ANAPC5: variants seen among roughly 807,000 people sequenced by gnomAD.
The protein encoded by ANAPC5 is anaphase-promoting complex subunit 5.
A neutral mutation model predicts 91.3 loss-of-function variants in ANAPC5; 60 were observed. The ratio of observed to expected loss-of-function variants is 0.66; its 90% CI spans 0.53 to 0.81. The LOEUF is 0.81. ANAPC5 is among the 40% of genes least tolerant of loss of function. The probability of loss-of-function intolerance (pLI) is 0.00; values close to 1 mark genes in which losing one functional copy is unlikely to be tolerated. For missense variants in ANAPC5, 690 were observed against 931.5 expected (o/e 0.74, Z 3.37); for synonymous variants, 340 against 364.1 (o/e 0.93, Z 0.75).
intron 15 of ANAPC5, among the ~76,000 whole-genome samples, chr12:121,312,437 C>A (rs952333507): frequency 6.6e-6 from 1 of 151,452 alleles, no homozygotes; most frequent in African/African-American, 2.4e-5. Flanking sequence ...CCAGGCACAG[C>A]GGCTCACACC....
chr12:121,316,500 G>A (rs567042183), intron 15 of ANAPC5, among the ~76,000 whole-genome samples: 5 of 152,170 alleles, frequency 3.3e-5, no homozygotes, highest in East Asian at 1.9e-4. Flanking sequence ...TTGGGAGGCC[G>A]AGGTGGGCGG....
intron 11 of ANAPC5, among the ~76,000 whole-genome samples, chr12:121,322,993 C>A (rs186824552): frequency 1.6e-4 from 25 of 152,248 alleles, no homozygotes; most frequent in African/African-American, 5.8e-4. Flanking sequence ...CCACTGCACT[C>A]CAGCCTTGGC....
rs782198399 is a variant in ANAPC5 at position 121,342,080 on chromosome 12, T to TA, written c.591-12dup. 49 of 1,577,734 alleles carry TA rather than the reference T, an allele frequency of 3.1e-5. No homozygotes were observed. The highest frequency in any genetic ancestry group is 1.0e-4 in the South Asian group (9 of 86,122). On this transcript the variant is annotated splice_polypyrimidine_tract_variant and intron_variant, in intron 4 of 16. Coordinates refer to ENST00000261819, the MANE Select transcript of ANAPC5 (RefSeq NM_016237.5). This position sits in a 1 kb window ranked among gnomAD's most constrained non-coding sequence, Gnocchi z 4.1. ...GATACCTCCTCTTCTCTGGAAAAAATAAAAAAACAAAAATAGTAAAGAATT... is the reference window on the plus strand; with the variant it reads ...GATACCTCCTCTTCTCTGGAAAAAATAAAAAAAACAAAAATAGTAAAGAATT...
At chr12:121,315,544 G>A (rs1240331478) in intron 15 of ANAPC5, among the ~76,000 whole-genome samples, 1 of 152,152 alleles carries the variant, frequency 6.6e-6, no homozygotes, top group East Asian at 1.9e-4. Context: ...CAAAGCTATA[G>A]TAATCAAAAC....
At chr12:121,344,225 G>A (rs1464929381) in intron 4 of ANAPC5, among the ~76,000 whole-genome samples, 2 of 152,172 alleles carry the variant, frequency 1.3e-5, no homozygotes, top group African/African-American at 4.8e-5. Flanking sequence ...AGATAAGCAA[G>A]CAAGCAAGTA....
rs1237804695 is a variant in ANAPC5 at position 121,347,789 on chromosome 12, A to T, written c.287+13T>A. 6.3e-7 allele frequency: 1 copy of T among 1,594,630 alleles called. No homozygotes were observed. On this transcript the variant is annotated intron_variant, in intron 2 of 16. Transcript: ENST00000261819. The stretch of plus-strand genomic sequence containing the variant: ...CACACCTTTTCATATATAAAGAAGA[A>T]AATGAAGTTTACCTGATCTGCACTG...
chr12:121,346,896 C>T lies in ANAPC5; in HGVS notation c.397G>A (p.Gly133Ser). ...EPEVHKTSVV[G>S]LFLRHMILAY... is the part of the protein sequence containing the mutation. ...TGCTCTTCTTAGAAGAGTTTCATAC[C>T]TACTACACTTGTTTTGTGAACCTCT... The change falls in exon 3 of 17, where the codon GGT (glycine) becomes AGT (serine). Residue 133 changes from glycine to serine, a missense_variant and splice_region_variant. Gly to Ser is a moderately conservative substitution (Grantham distance 56). Coordinates refer to ENST00000261819, the MANE Select transcript of ANAPC5 (RefSeq NM_016237.5). 1 of 1,589,552 alleles carries T rather than the reference C, an allele frequency of 6.3e-7. No individual in the cohort carries two copies. Among genetic ancestry groups the T allele is most frequent in the East Asian group, 2.3e-5 (1 of 44,262 alleles).
chr12:121,337,250 ATTCCT>A (rs1555273585), intron 6 of ANAPC5, 36 bp downstream of exon 6: 1 of 1,537,550 alleles, frequency 6.5e-7, no homozygotes, highest in East Asian at 2.3e-5. Context: ...TTGCCTTGTC[ATTCCT>A]TTCCAACACA....
chr12:121,318,138 T>G, intron 15 of ANAPC5, 139 bp downstream of exon 15: 1 of 1,082,112 alleles, frequency 9.2e-7, no homozygotes, highest in Non-Finnish European at 1.2e-6. Flanking sequence ...CTTGGAGGGC[T>G]TGCACAGGAA....
chr12:121,317,525 T>C (rs1423322997), intron 15 of ANAPC5, among the ~76,000 whole-genome samples: 2 of 151,986 alleles, frequency 1.3e-5, no homozygotes, highest in Non-Finnish European at 2.9e-5. Context: ...GTGCTGGGAT[T>C]ATAGGCATGA....
At chr12:121,340,152 A>G (rs1903390131) in intron 5 of ANAPC5, among the ~76,000 whole-genome samples, 1 of 151,738 alleles carries the variant, frequency 6.6e-6, no homozygotes, top group South Asian at 2.1e-4. Context: ...TCCCGTCTCT[A>G]CTAAAAACAC....
intron 10 of ANAPC5, 108 bp from the exon 11 acceptor site, chr12:121,327,339 G>T (rs1902858315): frequency 7.2e-7 from 1 of 1,380,012 alleles, no homozygotes; most frequent in Non-Finnish European, 9.7e-7. Flanking sequence ...ACACCTCACA[G>T]GCTCTGGCTT....
At chr12:121,340,733 G>GT (rs35021667) in intron 5 of ANAPC5, among the ~76,000 whole-genome samples, 108,084 of 150,290 alleles carry the variant, frequency 0.72, 43,546 homozygotes, top group Non-Finnish European at 0.9. Flanking sequence ...TTGTGTGTGT[G>GT]TTTTTTTTAG....
chr12:121,337,228 A>G, intron 6 of ANAPC5, 63 bp downstream of exon 6: 1 of 1,380,860 alleles, frequency 7.2e-7, no homozygotes, highest in Non-Finnish European at 1.0e-6. Context: ...AAAAACAAAC[A>G]AACAAAAAAA....
At chr12:121,346,747 A>G (rs1903681034) in intron 3 of ANAPC5, 149 bp downstream of exon 3, 2 of 496,974 alleles carry the variant, frequency 4.0e-6, no homozygotes, top group Admixed American at 8.0e-5. Context: ...ATATAGATCA[A>G]AACAGTAAGG....
chr12:121,316,465 G>A (rs1902363687), intron 15 of ANAPC5, among the ~76,000 whole-genome samples: 1 of 152,098 alleles, frequency 6.6e-6, no homozygotes, highest in Non-Finnish European at 1.5e-5. Context: ...CGGGCGCGGT[G>A]GCTCACGCCT....
At chr12:121,345,730 G>C in intron 4 of ANAPC5, 109 bp downstream of exon 4, 2 of 1,171,886 alleles carry the variant, frequency 1.7e-6, no homozygotes, top group South Asian at 2.9e-5. Flanking sequence ...ATCTGGAAGG[G>C]TAAAAAGGGC....
chr12:121,312,794 T>C (rs559555648), intron 15 of ANAPC5, among the ~76,000 whole-genome samples: 37 of 150,704 alleles, frequency 2.5e-4, no homozygotes, highest in African/African-American at 8.3e-4. Context: ...GCAGGAGAAT[T>C]GTTTGAACCC....
At chr12:121,310,008 A>G (rs1593569697) in intron 15 of ANAPC5, 145 bp from the exon 16 acceptor site, 3 of 655,810 alleles carry the variant, frequency 4.6e-6, no homozygotes, top group Non-Finnish European at 7.1e-6. Context: ...CAGGAACCAC[A>G]TTCCTAGAAA....
Sources: gnomAD v4.1 joint callset for allele counts (sites outside exome capture counted in the v4.1 genomes callset) on GRCh38, gnomAD v4.1.1 for gene constraint, Gnocchi (gnomAD v3.1) non-coding constraint, MANE v1.5 for transcripts, NCBI Gene and HGNC (gene_info 2026-07-23, HGNC 2026-07-21) for gene names.